The following CCNI variants were observed in gnomAD, a reference collection of about 807,000 sequenced individuals.
CCNI encodes cyclin I, also known as cyclin-I.
In CCNI, 14 loss-of-function variants were observed where a neutral mutation model predicts 34.1. The observed-to-expected ratio is 0.41, with a 90% CI of 0.27 to 0.64. CCNI has a LOEUF of 0.64. Among genes scored for constraint, CCNI ranks in the 30% least tolerant of loss-of-function variants. The pLI is 0.31. For missense variants in CCNI, 385 were observed against 440.5 expected, an observed-to-expected ratio of 0.87 and a Z score of 1.13; for synonymous variants, 154 against 158.4, an observed-to-expected ratio of 0.97 and a Z score of 0.21.
At position 77,048,560 on chromosome 4, in the gene CCNI, G is replaced by C. The variant is rs1251794985; in HGVS notation, c.793C>G (p.Leu265Val). The change falls in exon 7 of 7, where the codon CTC (leucine) becomes GTC (valine). Residue 265 changes from leucine to valine, a missense_variant. By Grantham distance (32) the Leu-to-Val change is conservative (BLOSUM62 1). This residue lies in a region of CCNI where 250 missense variants were observed against 248.7 expected (regional missense o/e 1.01). Coordinates refer to ENST00000237654, the MANE Select transcript of CCNI (RefSeq NM_006835.3). ...TCACAGGTCACCAGGGTGTGCTTGA[G>C]GGGACGGTAGACATAAACGGAATTC... ...PLNSVYVYRPLKHTLVTCDKG... is the reference protein window; with the variant it reads ...PLNSVYVYRPVKHTLVTCDKG... The C allele has an allele frequency of 1.9e-6, 3 of 1,613,148 alleles. No individual in the cohort carries two copies. In the African/African-American group the frequency reaches 4.0e-5, roughly 22 times the overall value.
intron 1 of CCNI, among the ~76,000 whole-genome samples, chr4:77,069,686 T>A (rs1258446437): frequency 2.0e-5 from 3 of 146,996 alleles, no homozygotes; most frequent in African/African-American, 7.6e-5. Context: ...CACAGCACAG[T>A]ACTTCGACGG....
At chr4:77,048,789 A>G (rs1291982752) in intron 6 of CCNI, 127 bp from the exon 7 acceptor site, 5 of 539,670 alleles carry the variant, frequency 9.3e-6, no homozygotes, top group Non-Finnish European at 1.6e-5. Context: ...CTCTCCCCAC[A>G]TCTACCTCCA....
chr4:77,072,767 T>C (rs1175010480), intron 1 of CCNI, among the ~76,000 whole-genome samples: 1 of 152,026 alleles, frequency 6.6e-6, no homozygotes, highest in Admixed American at 6.6e-5. Context: ...ATTGGGACGG[T>C]AGATTACACA....
intron 6 of CCNI, among the ~76,000 whole-genome samples, chr4:77,052,786 G>T (rs1249926118): frequency 6.6e-6 from 1 of 152,128 alleles, no homozygotes; most frequent in African/African-American, 2.4e-5. Context: ...ATTAGACCTG[G>T]TGTTCCCTAC....
In CCNI at chr4:77,047,160, G is replaced by T. The variant is rs1157936136; in HGVS notation, c.*1059C>A. On this transcript the variant is annotated 3_prime_UTR_variant, in exon 7 of 7. Transcript: ENST00000237654. Reference sequence around the variant, plus strand: ...AAAAGTCACAAAAACAAAAGTTAAGGACAACTTTTTATTGCTACCAGAGGC... The same window carrying T: ...AAAAGTCACAAAAACAAAAGTTAAGTACAACTTTTTATTGCTACCAGAGGC... The T allele has an allele frequency of 6.6e-6, 1 of 152,122 alleles. No individual in the cohort carries two copies. The highest frequency in any genetic ancestry group is 2.4e-5 in the African/African-American group (1 of 41,430). 9.4% of individuals were successfully genotyped at this position (152,122 alleles called of 1,614,324 possible).
At position 77,051,954 on chromosome 4, in the gene CCNI, GTTTT is replaced by G. The variant is rs374549894; in HGVS notation, c.690+3192_690+3195del. ...CTGGTGGGGAGGGGTCTGTTTTTTT[GTTTT>G]TTTTTTTTTAAATTTGCTTCTTTTT... On this transcript the variant is annotated intron_variant, in intron 6 of 6. Coordinates refer to ENST00000237654, the MANE Select transcript of CCNI (RefSeq NM_006835.3). 1.9e-3 allele frequency among the ~76,000 whole-genome samples: 263 copies of G among 141,422 alleles called. 1 individual carries two copies. The highest frequency in any genetic ancestry group is 6.3e-3 in the African/African-American group (248 of 39,158). 92.8% of individuals were successfully genotyped at this position (141,422 alleles called of 152,430 possible).
chr4:77,069,212 T>A (rs1729275704), intron 1 of CCNI, among the ~76,000 whole-genome samples: 1 of 152,000 alleles, frequency 6.6e-6, no homozygotes, highest in African/African-American at 2.4e-5. Flanking sequence ...AGTCAAGGAG[T>A]TCGACGCCAG....
chr4:77,052,893 G>C (rs927684123), intron 6 of CCNI, among the ~76,000 whole-genome samples: 1 of 152,100 alleles, frequency 6.6e-6, no homozygotes, highest in Non-Finnish European at 1.5e-5. Flanking sequence ...AGAACTGCTA[G>C]AACAAGTCCC....
At chr4:77,056,585 A>AT in intron 3 of CCNI, 3 of 294,506 alleles carry the variant, frequency 1.0e-5, no homozygotes, top group South Asian at 1.1e-4. Flanking sequence ...TCTAGAGCTA[A>AT]CTTTTTTTTT....
Position 77,055,183 on chromosome 4 carries a change from A to G in CCNI, c.657T>C (p.Leu219=). The G allele has an allele frequency of 6.2e-7, 1 of 1,613,922 alleles. No individual in the cohort carries two copies. Among genetic ancestry groups the G allele is most frequent in the Non-Finnish European group, 8.5e-7 (1 of 1,179,764 alleles). ...LEMEKLIPDW[L]SLTIELLQKA... Reference sequence around the variant, plus strand: ...TCTGAAGCAGTTCAATTGTAAGAGAAAGCCAATCAGGAATGAGTTTCTCCA... The same window carrying G: ...TCTGAAGCAGTTCAATTGTAAGAGAGAGCCAATCAGGAATGAGTTTCTCCA... The change falls in exon 6 of 7, where the codon CTT becomes CTC. Residue 219 remains leucine (L), a synonymous_variant. Transcript: ENST00000237654.
intron 6 of CCNI, among the ~76,000 whole-genome samples, chr4:77,054,820 A>G (rs751198340): frequency 5.9e-5 from 9 of 152,218 alleles, no homozygotes; most frequent in Non-Finnish European, 1.0e-4. Flanking sequence ...AGTGAAGTAA[A>G]GAAGTACTAC....
intron 2 of CCNI, among the ~76,000 whole-genome samples, chr4:77,063,104 A>G (rs1728731389): frequency 6.6e-6 from 1 of 152,144 alleles, no homozygotes; most frequent in South Asian, 2.1e-4. Flanking sequence ...ATAGAAGGTG[A>G]GTGACAGCTG....
chr4:77,065,761 ACT>A (rs759954082), intron 2 of CCNI, among the ~76,000 whole-genome samples: 11 of 152,226 alleles, frequency 7.2e-5, no homozygotes, highest in Non-Finnish European at 4.4e-5. Context: ...AAAACAGTTA[ACT>A]CTTGTTTCAG....
At chr4:77,063,215 CA>C (rs1442568831) in intron 2 of CCNI, among the ~76,000 whole-genome samples, 4 of 151,916 alleles carry the variant, frequency 2.6e-5, no homozygotes, top group African/African-American at 9.7e-5. Context: ...ATAGTTGGGG[CA>C]GGGGGGAAGT....
At chr4:77,057,328 G>A (rs138220298) in intron 3 of CCNI, among the ~76,000 whole-genome samples, 82 of 152,210 alleles carry the variant, frequency 5.4e-4, no homozygotes, top group African/African-American at 1.7e-3. Context: ...TTAAACATTT[G>A]AAACAAAGTT....
chr4:77,051,118 T>C (rs922827775), intron 6 of CCNI, among the ~76,000 whole-genome samples: 1 of 151,668 alleles, frequency 6.6e-6, no homozygotes, highest in Non-Finnish European at 1.5e-5. Flanking sequence ...GTAGATTCAA[T>C]GTAGTACTCA....
chr4:77,075,444 A>AGACCCC lies in CCNI; in HGVS notation c.-44+27_-44+28insGGGGTC, dbSNP rs1056010824. 5 of 772,452 alleles carry AGACCCC rather than the reference A, an allele frequency of 6.5e-6. No individual in the cohort carries two copies. In the African/African-American group the frequency reaches 9.9e-5, roughly 15 times the overall value. 47.8% of individuals were successfully genotyped at this position (772,452 alleles called of 1,614,324 possible). A position where few individuals can be genotyped will look rare whatever the true frequency, so the allele number is the denominator to read the frequency against. On this transcript the variant is annotated intron_variant, in intron 1 of 6. Coordinates refer to ENST00000237654, the MANE Select transcript of CCNI (RefSeq NM_006835.3). ...CGACGCCGGCCGCGGAGACGCGTCGAGCCCCCGCCCCCGCCCCCGCCCCTC... is the reference window on the plus strand; with the variant it reads ...CGACGCCGGCCGCGGAGACGCGTCGAGACCCCGCCCCCGCCCCCGCCCCCGCCCCTC...
intron 6 of CCNI, among the ~76,000 whole-genome samples, chr4:77,050,172 T>G (rs370084011): frequency 6.6e-6 from 1 of 152,196 alleles, no homozygotes. Flanking sequence ...TATTTCTACC[T>G]GTTGAAATTG....
rs1729711453 is a variant in CCNI, at chr4:77,074,120, A to T, written c.-44+1352T>A. ...TTTAATGTATTACACAATCAAAACAAAACACGGACACACTCAGCTTCCAAT... is the reference window on the plus strand; with the variant it reads ...TTTAATGTATTACACAATCAAAACATAACACGGACACACTCAGCTTCCAAT... On this transcript the variant is annotated intron_variant, in intron 1 of 6. Coordinates refer to ENST00000237654, the MANE Select transcript of CCNI (RefSeq NM_006835.3). Among the ~76,000 whole-genome samples, 3 of 152,012 alleles carry T rather than the reference A, an allele frequency of 2.0e-5. No individual in the cohort carries two copies. The South Asian group carries it at 6.2e-4, about 31-fold the overall frequency.
Sources: gnomAD v4.1 joint callset for allele counts (sites outside exome capture counted in the v4.1 genomes callset) on GRCh38, gnomAD v4.1.1 for gene constraint, gnomAD v4.1.1 regional missense constraint, MANE v1.5 for transcripts, NCBI Gene and HGNC (gene_info 2026-07-23, HGNC 2026-07-21) for gene names.